The following UBAC1 variants were observed in gnomAD, a reference collection of about 807,000 sequenced individuals.
The protein encoded by UBAC1 is ubiquitin-associated domain-containing protein 1.
In UBAC1, 27 loss-of-function variants were observed where a neutral mutation model predicts 45.9. The observed-to-expected ratio is 0.59, with a 90% CI of 0.43 to 0.81. UBAC1 has a LOEUF of 0.81. Ranked by LOEUF, UBAC1 falls within the 30% of genes least tolerant of loss-of-function variation. The pLI is 0.00. For synonymous variants in UBAC1, 227 were observed against 215.5 expected, an observed-to-expected ratio of 1.05 and a Z score of -0.47; for missense variants, 529 against 539.2, an observed-to-expected ratio of 0.98 and a Z score of 0.19.
At position 135,947,892 on chromosome 9, in the gene UBAC1, T is replaced by C. The variant is rs1839357482; in HGVS notation, c.347A>G (p.Gln116Arg). 1 of 1,614,020 alleles carries C rather than the reference T, an allele frequency of 6.2e-7. No homozygotes were observed. The highest frequency in any genetic ancestry group is 8.5e-7 in the Non-Finnish European group (1 of 1,179,948). ...VSAEEKKKQD[Q>R]KAPDKEAILR... ...TATGGCCTCTTTATCTGGAGCTTTC[T>C]GGTCTTGTTTTTTCTACACAGAAAC... Residue 116 changes from glutamine (Q) to arginine (R), a missense_variant, in exon 4 of 10, where the codon CAG (glutamine) becomes CGG (arginine). Physicochemically the swap from Gln to Arg is conservative, Grantham distance 43. Transcript: ENST00000371756.
rs200472058 is a variant in UBAC1 at position 135,945,939 on chromosome 9, C to T, written c.603G>A (p.Thr201=). Reference sequence around the variant, plus strand: ...CTCTGTTCTCCGGAAAGCCCATCTCCGTGAGCTGCCGCAGGGCAGCCTCGT... The same window carrying T: ...CTCTGTTCTCCGGAAAGCCCATCTCTGTGAGCTGCCGCAGGGCAGCCTCGT... ...RVDEAALRQL[T]EMGFPENRAT... The change falls in exon 6 of 10, where the codon ACG becomes ACA. Residue 201 remains threonine (T), a synonymous_variant. Coordinates refer to ENST00000371756, the MANE Select transcript of UBAC1 (RefSeq NM_016172.3). 8.9e-5 allele frequency: 144 copies of T among 1,613,950 alleles called. No individual in the cohort carries two copies. The highest frequency in any genetic ancestry group is 3.3e-4 in the Middle Eastern group (2 of 6,084).
intron 1 of UBAC1, among the ~76,000 whole-genome samples, chr9:135,955,982 C>A (rs1284554052): frequency 6.6e-6 from 1 of 152,212 alleles, no homozygotes; most frequent in Non-Finnish European, 1.5e-5. Context: ...AGCATGACTG[C>A]TCTCGGCGTG....
chr9:135,961,371 G>A lies in UBAC1; in HGVS notation c.-209C>T. 1 of 181,038 alleles carries A rather than the reference G, an allele frequency of 5.5e-6. No individual in the cohort carries two copies. The highest frequency in any genetic ancestry group is 1.1e-5 in the Non-Finnish European group (1 of 94,686). The allele number at this position is 181,038 out of a possible 1,614,324, so 11.2% of individuals were successfully genotyped here. A position where few individuals can be genotyped will look rare whatever the true frequency, so the allele number is the denominator to read the frequency against. On this transcript the variant is annotated 5_prime_UTR_variant, in exon 1 of 10. Transcript: ENST00000371756. ...CCGCCGCAGCAGCCGCCGGGGGCGC[G>A]CCGTCGCGGCCGCACCGGAAGTGCG... is the stretch of plus-strand genomic sequence containing the variant.
Position 135,939,726 on chromosome 9 carries a change from C to T in UBAC1, c.910G>A (p.Glu304Lys), listed in dbSNP as rs1487048954. 5 of 1,613,930 alleles carry T rather than the reference C, an allele frequency of 3.1e-6. No individual in the cohort carries two copies. Among genetic ancestry groups the T allele is most frequent in the East Asian group, 4.5e-5 (2 of 44,902 alleles). The change falls in exon 8 of 10, where the codon GAG (glutamate) becomes AAG (lysine). Residue 304 changes from glutamate (E) to lysine (K), a missense_variant. Physicochemically the swap from Glu to Lys is moderately conservative, Grantham distance 56. Coordinates refer to ENST00000371756, the MANE Select transcript of UBAC1 (RefSeq NM_016172.3). The stretch of plus-strand genomic sequence containing the variant: ...CTGAGGGCATCTATCACCTCTTTCT[C>T]GTCGAACCCCATCTCCATCAGGGAA... ...VISLMEMGFD[E>K]KEVIDALRVN...
chr9:135,944,973 C>A, intron 7 of UBAC1, 55 bp downstream of exon 7: 1 of 1,528,052 alleles, frequency 6.5e-7, no homozygotes, highest in Non-Finnish European at 8.9e-7. Context: ...TCCATGGCGC[C>A]ACCTCAAGGG....
chr9:135,945,802 G>C (rs1175104770), intron 6 of UBAC1, 87 bp downstream of exon 6: 1 of 1,017,472 alleles, frequency 9.8e-7, no homozygotes. Context: ...AAGAGTTTAG[G>C]GTAGGAGGAC....
chr9:135,934,815 A>ATCTTTATCTTTTT, intron 9 of UBAC1, among the ~76,000 whole-genome samples: 1 of 152,238 alleles, frequency 6.6e-6, no homozygotes, highest in Admixed American at 6.5e-5. Flanking sequence ...GTTGAACAAA[A>ATCTTTATCTTTTT]AGATAAAGAG....
At chr9:135,937,440 CA>C (rs57527185) in intron 9 of UBAC1, among the ~76,000 whole-genome samples, 27 of 99,848 alleles carry the variant, frequency 2.7e-4, no homozygotes, top group Admixed American at 3.4e-4. Flanking sequence ...GACTCTGTCT[CA>C]AAAAAAAAAA....
chr9:135,945,427 C>T, intron 6 of UBAC1, 177 bp from the exon 7 acceptor site: 1 of 577,444 alleles, frequency 1.7e-6, no homozygotes, highest in South Asian at 2.6e-5. Context: ...GTCCTTGCCT[C>T]AGACTACCTT....
At chr9:135,959,812 G>A (rs1353411361) in intron 1 of UBAC1, among the ~76,000 whole-genome samples, 1 of 152,158 alleles carries the variant, frequency 6.6e-6, no homozygotes, top group Non-Finnish European at 1.5e-5. Context: ...TGCAGACTGG[G>A]GCAGAAGAAA....
intron 9 of UBAC1, among the ~76,000 whole-genome samples, chr9:135,934,501 A>G (rs1306137373): frequency 6.6e-6 from 1 of 152,226 alleles, no homozygotes; most frequent in Non-Finnish European, 1.5e-5. Flanking sequence ...TCTACTAAAA[A>G]TATAAAAAAT....
At chr9:135,960,658 G>A (rs1277485824) in intron 1 of UBAC1, among the ~76,000 whole-genome samples, 1 of 152,146 alleles carries the variant, frequency 6.6e-6, no homozygotes, top group African/African-American at 2.4e-5. Context: ...TGCTCCGTCG[G>A]CGACTTCACT....
chr9:135,941,176 T>C (rs1437062205), intron 7 of UBAC1, among the ~76,000 whole-genome samples: 2 of 151,710 alleles, frequency 1.3e-5, no homozygotes, highest in Admixed American at 1.3e-4. Context: ...GAGGCCGGGG[T>C]GGGAGGATCA....
In UBAC1 at chr9:135,946,016, G is replaced by T; in HGVS notation, c.545-19C>A. 1 of 1,605,756 alleles carries T rather than the reference G, an allele frequency of 6.2e-7. No homozygotes were observed. Among genetic ancestry groups the T allele is most frequent in the Non-Finnish European group, 8.5e-7 (1 of 1,174,094 alleles). ...AGCATTGCTGCAGGGAGACGACAGG[G>T]CCATGAGGGCTCCAGCCTCAGGTTC... is the stretch of plus-strand genomic sequence containing the variant. On this transcript the variant is annotated intron_variant, in intron 5 of 9. Coordinates refer to ENST00000371756, the MANE Select transcript of UBAC1 (RefSeq NM_016172.3).
intron 2 of UBAC1, 31 bp from the exon 3 acceptor site, chr9:135,953,784 C>G (rs751769479): frequency 1.3e-6 from 2 of 1,587,872 alleles, no homozygotes. Context: ...ATCCAACACA[C>G]TGGTTATCAC....
At chr9:135,938,513 C>G (rs1486233721) in intron 8 of UBAC1, among the ~76,000 whole-genome samples, 153 bp from the exon 9 acceptor site, 2 of 152,266 alleles carry the variant, frequency 1.3e-5, no homozygotes, top group African/African-American at 4.8e-5. Flanking sequence ...ACCGTGAAGA[C>G]AAACGCAGTC....
In UBAC1 at chr9:135,961,078, C is replaced by T. The variant is rs1839530677; in HGVS notation, c.85G>A (p.Glu29Lys). Reference protein sequence around the residue: ...CASDGAEWLEEATEDTSVEKL... With the variant: ...CASDGAEWLEKATEDTSVEKL... ...TCCACCGAGGTGTCCTCGGTGGCCT[C>T]CTCCAGCCACTCGGCGCCGTCGGAC... Residue 29 changes from glutamate (E) to lysine (K), a missense_variant, in exon 1 of 10, where the codon GAG becomes AAG. By Grantham distance (56) the Glu-to-Lys change is moderately conservative. Transcript: ENST00000371756. 2 of 1,585,134 alleles carry T rather than the reference C, an allele frequency of 1.3e-6. No individual in the cohort carries two copies. The highest frequency in any genetic ancestry group is 1.7e-6 in the Non-Finnish European group (2 of 1,171,104).
At chr9:135,945,835 C>G in intron 6 of UBAC1, 54 bp downstream of exon 6, 1 of 1,509,614 alleles carries the variant, frequency 6.6e-7, no homozygotes, top group Non-Finnish European at 9.2e-7. Context: ...GGGAGCCCCA[C>G]AAAACCAGGC....
chr9:135,948,448 G>T (rs1289263256), intron 3 of UBAC1, among the ~76,000 whole-genome samples: 2 of 152,270 alleles, frequency 1.3e-5, no homozygotes, highest in Non-Finnish European at 2.9e-5. Context: ...GAGCATGGAC[G>T]CAAGACCATT....
Sources: allele counts gnomAD v4.1 joint callset (sites outside exome capture counted in the v4.1 genomes callset), GRCh38; gene constraint gnomAD v4.1.1; transcripts MANE v1.5; gene names NCBI Gene and HGNC (gene_info 2026-07-23, HGNC 2026-07-21).